The following ABCC4 variants were observed in gnomAD, a reference collection of about 807,000 sequenced individuals.
The protein encoded by ABCC4 is ATP binding cassette subfamily C member 4 (PEL blood group).
ABCC4 carries 102 observed loss-of-function variants against 168.5 expected under a neutral mutation model. The observed-to-expected ratio is 0.61, with a 90% CI of 0.52 to 0.71. ABCC4 has a LOEUF of 0.71. ABCC4 is among the 30% of genes least tolerant of loss of function. The probability of loss-of-function intolerance (pLI) is 0.00; values close to 1 mark genes in which losing one functional copy is unlikely to be tolerated. For missense variants in ABCC4, 1,402 were observed against 1,605.8 expected, an observed-to-expected ratio of 0.87 and a Z score of 2.17; for synonymous variants, 617 against 590.7, an observed-to-expected ratio of 1.04 and a Z score of -0.65.
chr13:95,066,913 C>T (rs867941098), intron 25 of ABCC4, among the ~76,000 whole-genome samples: 1 of 152,124 alleles, frequency 6.6e-6, no homozygotes, highest in Non-Finnish European at 1.5e-5. Flanking sequence ...TGTGGACATG[C>T]GTGAGTATAA....
intron 8 of ABCC4, among the ~76,000 whole-genome samples, chr13:95,201,928 G>A (rs1004337456): frequency 4.6e-5 from 7 of 152,156 alleles, no homozygotes; most frequent in East Asian, 1.9e-4. Context: ...AGCTGAGATC[G>A]TGCCACTGCA....
intron 1 of ABCC4, among the ~76,000 whole-genome samples, chr13:95,275,995 T>C (rs2040961925): frequency 6.6e-6 from 1 of 152,174 alleles, no homozygotes; most frequent in Non-Finnish European, 1.5e-5. Flanking sequence ...CCTGAATAGC[T>C]GCATATTTAG....
chr13:95,214,902 AAC>A (rs1160377444), intron 4 of ABCC4, among the ~76,000 whole-genome samples: 3 of 151,558 alleles, frequency 2.0e-5, no homozygotes, highest in Admixed American at 2.0e-4. Context: ...AAAAAAAAAA[AAC>A]ACCTGTCAAC....
chr13:95,143,659 T>C (rs1315540465), intron 19 of ABCC4, among the ~76,000 whole-genome samples: 2 of 152,196 alleles, frequency 1.3e-5, no homozygotes, highest in African/African-American at 4.8e-5. Context: ...ATAGCTATGG[T>C]AGCACCATTC....
intron 8 of ABCC4, among the ~76,000 whole-genome samples, chr13:95,203,601 G>A (rs1398254501): frequency 6.6e-6 from 1 of 151,844 alleles, no homozygotes; most frequent in East Asian, 1.9e-4. Context: ...CAAGTGATCC[G>A]CTCACCTCGG....
At chr13:95,245,004 T>C (rs2040070370) in intron 3 of ABCC4, among the ~76,000 whole-genome samples, 1 of 152,148 alleles carries the variant, frequency 6.6e-6, no homozygotes, top group South Asian at 2.1e-4. Context: ...ACCATGCTCC[T>C]TGCACCAGAG....
intron 29 of ABCC4, chr13:95,043,209 G>C (rs1330628801): frequency 1.3e-5 from 2 of 152,798 alleles, no homozygotes; most frequent in African/African-American, 4.8e-5. Context: ...ATTTGTGATG[G>C]ATCTTCTCAT....
intron 1 of ABCC4, among the ~76,000 whole-genome samples, chr13:95,271,050 G>A (rs549648808): frequency 3.3e-5 from 5 of 152,244 alleles, no homozygotes; most frequent in South Asian, 2.1e-4. Context: ...AGCCGAGATC[G>A]CGCCACTGCA....
chr13:95,173,310 T>C (rs1051180594), intron 13 of ABCC4, among the ~76,000 whole-genome samples: 1 of 152,216 alleles, frequency 6.6e-6, no homozygotes, highest in African/African-American at 2.4e-5. Context: ...GGCACCTTCA[T>C]GCATTCGCAG....
intron 22 of ABCC4, 82 bp downstream of exon 22, chr13:95,075,347 CCAA>C (rs2139315635): frequency 6.4e-7 from 1 of 1,573,608 alleles, no homozygotes; most frequent in Non-Finnish European, 8.6e-7. Context: ...GAGGTGCCTG[CCAA>C]CAAGCTCATC....
At chr13:95,176,597 C>T (rs1280815167) in intron 13 of ABCC4, among the ~76,000 whole-genome samples, 2 of 152,194 alleles carry the variant, frequency 1.3e-5, no homozygotes, top group Non-Finnish European at 2.9e-5. Flanking sequence ...CATGCAGAGA[C>T]AAATTCCTTA....
At chr13:95,113,757 G>C (rs1395389010) in intron 20 of ABCC4, among the ~76,000 whole-genome samples, 1 of 152,004 alleles carries the variant, frequency 6.6e-6, no homozygotes, top group East Asian at 1.9e-4. Context: ...CAAATCCCCG[G>C]GAGAAAGGCT....
chr13:95,052,966 A>G (rs7324602), intron 27 of ABCC4, 129 bp downstream of exon 27: 35,329 of 738,994 alleles, frequency 0.048, 1,115 homozygotes, highest in African/African-American at 0.09. Context: ...CACATCCTCA[A>G]TGATCTCCTG....
intron 3 of ABCC4, among the ~76,000 whole-genome samples, chr13:95,244,653 G>T (rs1184284215): frequency 1.1e-5 from 1 of 87,602 alleles, no homozygotes; most frequent in Non-Finnish European, 2.4e-5. Flanking sequence ...AAGAAAGAAA[G>T]AAAGAAAGAA....
intron 19 of ABCC4, among the ~76,000 whole-genome samples, chr13:95,155,149 C>A (rs2036814008): frequency 6.6e-6 from 1 of 152,114 alleles, no homozygotes. Context: ...CACCCTCCTC[C>A]CCTCAATTCC....
chr13:95,202,644 CTTTTTTTT>C (rs10603210), intron 8 of ABCC4, among the ~76,000 whole-genome samples: 21 of 93,064 alleles, frequency 2.3e-4, no homozygotes, highest in Admixed American at 8.7e-4. Context: ...AGAATGTGCA[CTTTTTTTT>C]TTTTTTTTTT....
At chr13:95,264,850 A>C (rs2040625414) in intron 1 of ABCC4, among the ~76,000 whole-genome samples, 1 of 147,468 alleles carries the variant, frequency 6.8e-6, no homozygotes, top group Non-Finnish European at 1.5e-5. Flanking sequence ...AAGGGGCCTC[A>C]GATCTACAAT....
intron 1 of ABCC4, among the ~76,000 whole-genome samples, chr13:95,271,689 C>G (rs904490158): frequency 6.6e-6 from 1 of 152,160 alleles, no homozygotes; most frequent in African/African-American, 2.4e-5. Flanking sequence ...CTTCTTGGTT[C>G]CTTAGCTTTA....
At chr13:95,064,260 GTATATA>G (rs753635232) in intron 25 of ABCC4, among the ~76,000 whole-genome samples, 74 of 21,498 alleles carry the variant, frequency 3.4e-3, no homozygotes, top group African/African-American at 0.012. Context: ...GTGTGTGTGT[GTATATA>G]TATATATATA....
Sources: gnomAD v4.1 joint callset for allele counts (sites outside exome capture counted in the v4.1 genomes callset) on GRCh38, gnomAD v4.1.1 for gene constraint, MANE v1.5 for transcripts, NCBI Gene and HGNC (gene_info 2026-07-23, HGNC 2026-07-21) for gene names.